The following FARP1 variants were observed in gnomAD, a reference collection of about 807,000 sequenced individuals.
FARP1 encodes FERM, ARHGEF and pleckstrin domain-containing protein 1.
In FARP1, 52 loss-of-function variants were observed where a neutral mutation model predicts 128.8. The ratio of observed to expected loss-of-function variants is 0.40; its 90% CI spans 0.32 to 0.51. The LOEUF is 0.51. FARP1 is among the 20% of genes least tolerant of loss of function. The pLI, the probability that FARP1 is intolerant of heterozygous loss-of-function variation, is 0.45. For missense variants in FARP1, 1,333 were observed against 1,367.9 expected, an observed-to-expected ratio of 0.97 and a Z score of 0.40; for synonymous variants, 580 against 551.8, an observed-to-expected ratio of 1.05 and a Z score of -0.72.
At position 98,452,653 on chromosome 13, in the gene FARP1, C is replaced by T. The variant is rs1225168241; in HGVS notation, c.*4336C>T. ...GCCTGTCGAATATTTACTCCACTGA[C>T]GTTATCTACAGAAGCACTTGGCCAG... On this transcript the variant is annotated 3_prime_UTR_variant, in exon 27 of 27. Transcript: ENST00000319562. The T allele has an allele frequency of 2.0e-5, 3 of 152,964 alleles. No homozygotes were observed. Among genetic ancestry groups the T allele is most frequent in the Admixed American group, 6.5e-5 (1 of 15,308 alleles). 9.5% of individuals were successfully genotyped at this position (152,964 alleles called of 1,614,324 possible). A position where few individuals can be genotyped will look rare whatever the true frequency, so the allele number is the denominator to read the frequency against.
intron 1 of FARP1, among the ~76,000 whole-genome samples, chr13:98,159,107 A>G (rs1156880693): frequency 6.6e-6 from 1 of 152,206 alleles, no homozygotes; most frequent in African/African-American, 2.4e-5. Flanking sequence ...AAGCATGGCA[A>G]AGTGCATGTA....
intron 3 of FARP1, among the ~76,000 whole-genome samples, chr13:98,363,804 C>T (rs373703288): frequency 5.8e-4 from 88 of 152,238 alleles, no homozygotes; most frequent in African/African-American, 1.9e-3. Flanking sequence ...TGCAGTGGTG[C>T]GATCTTGGCT....
chr13:98,194,203 G>A (rs1445617630), intron 1 of FARP1, among the ~76,000 whole-genome samples: 1 of 151,902 alleles, frequency 6.6e-6, no homozygotes, highest in Non-Finnish European at 1.5e-5. Context: ...TGCAACCTCC[G>A]CCTCCTGGGT....
intron 1 of FARP1, among the ~76,000 whole-genome samples, chr13:98,162,521 C>A (rs116090917): frequency 7.9e-5 from 12 of 152,150 alleles, no homozygotes; most frequent in Admixed American, 7.2e-4. Flanking sequence ...GATAAACTTA[C>A]CTTGAACCTC....
chr13:98,143,074 G>C (rs1020961113), upstream of FARP1: 2 of 147,932 alleles, frequency 1.4e-5, no homozygotes, highest in African/African-American at 4.9e-5. Flanking sequence ...GCCCAGACCC[G>C]GGGAGGGGCG....
chr13:98,331,108 G>A (rs1331127825), intron 2 of FARP1, among the ~76,000 whole-genome samples: 1 of 152,158 alleles, frequency 6.6e-6, no homozygotes, highest in Non-Finnish European at 1.5e-5. Flanking sequence ...TTATTTCCCA[G>A]AACTGTGGTT....
chr13:98,357,487 C>T (rs1400579715), intron 3 of FARP1, among the ~76,000 whole-genome samples: 1 of 152,118 alleles, frequency 6.6e-6, no homozygotes, highest in Admixed American at 6.5e-5. Context: ...GTTAGGTCTT[C>T]AAGTTTAGTA....
intron 16 of FARP1, among the ~76,000 whole-genome samples, chr13:98,422,354 C>T (rs1004241959): frequency 2.0e-5 from 3 of 152,070 alleles, no homozygotes; most frequent in Admixed American, 6.6e-5. Context: ...GGGAGAGATT[C>T]GTTTAATTAG....
chr13:98,222,285 C>A lies in FARP1; in HGVS notation c.171+8872C>A, dbSNP rs189985533. Among the ~76,000 whole-genome samples the A allele has an allele frequency of 4.6e-5, 7 of 152,308 alleles. No individual in the cohort carries two copies. The East Asian group carries it at 1.3e-3, about 29-fold the overall frequency. On this transcript the variant is annotated intron_variant, in intron 2 of 26. Coordinates refer to ENST00000319562, the MANE Select transcript of FARP1 (RefSeq NM_005766.4). ...TATCAACATGGAAGGCAAGGTGCTA[C>A]TGGTGATAAGAAAATGAATAAAAAC...
chr13:98,305,278 A>G (rs1416333591), intron 2 of FARP1, among the ~76,000 whole-genome samples: 2 of 151,982 alleles, frequency 1.3e-5, no homozygotes, highest in Non-Finnish European at 2.9e-5. Context: ...ATCAGTTTCC[A>G]ACATTTTATC....
intron 9 of FARP1, 82 bp from the exon 10 acceptor site, chr13:98,389,875 C>A: frequency 1.5e-6 from 2 of 1,366,604 alleles, no homozygotes; most frequent in Non-Finnish European, 2.0e-6. Context: ...TCGGACAAAG[C>A]TATCTTCTGC....
rs1892867260 is a variant in FARP1, at chr13:98,446,770, G to C, written c.3009G>C (p.Lys1003Asn). The C allele has an allele frequency of 6.2e-7, 1 of 1,614,158 alleles. No individual in the cohort carries two copies. The highest frequency in any genetic ancestry group is 8.5e-7 in the Non-Finnish European group (1 of 1,180,028). The change falls in exon 26 of 27, where the codon AAG (lysine) becomes AAC (asparagine). Residue 1003 changes from lysine to asparagine, a missense_variant. Around this residue, in one of 2 missense-constraint regions of FARP1, gnomAD observed 1,009 missense variants for 969.8 expected, o/e 1.04. Coordinates refer to ENST00000319562, the MANE Select transcript of FARP1 (RefSeq NM_005766.4). ...QKDYVFKLHF[K>N]SHVYYFRAES... ...ACTACGTGTTCAAGCTGCACTTCAA[G>C]TCCCACGTCTACTACTTCAGGGCGG...
chr13:98,398,684 T>G (rs1890647691), intron 13 of FARP1: 1 of 152,200 alleles, frequency 6.6e-6, no homozygotes, highest in East Asian at 1.9e-4. Context: ...TATAACACAT[T>G]TTTGCATAAT....
chr13:98,279,876 C>T (rs929555753), intron 2 of FARP1, among the ~76,000 whole-genome samples: 8 of 152,086 alleles, frequency 5.3e-5, no homozygotes, highest in Admixed American at 2.6e-4. Context: ...CTTGTGGCCC[C>T]GGTACCAGGC....
chr13:98,362,964 C>G (rs1008980861), intron 3 of FARP1, among the ~76,000 whole-genome samples: 3 of 152,238 alleles, frequency 2.0e-5, no homozygotes, highest in East Asian at 1.9e-4. Flanking sequence ...CTTTCTCAAA[C>G]TCTACTTCTG....
chr13:98,374,580 A>G (rs1889498494), intron 5 of FARP1, among the ~76,000 whole-genome samples: 1 of 152,186 alleles, frequency 6.6e-6, no homozygotes, highest in African/African-American at 2.4e-5. Context: ...CAGCTACACT[A>G]CACAGTATCC....
intron 3 of FARP1, among the ~76,000 whole-genome samples, chr13:98,357,106 C>T (rs1241735666): frequency 6.6e-6 from 1 of 152,100 alleles, no homozygotes; most frequent in Non-Finnish European, 1.5e-5. Flanking sequence ...TTTTTGTAGG[C>T]AGCATATACT....
In FARP1 at chr13:98,213,313, C is replaced by T. The variant is rs914396996; in HGVS notation, c.71C>T (p.Thr24Ile). The T allele has an allele frequency of 2.5e-6, 4 of 1,613,992 alleles. No homozygotes were observed. The highest frequency in any genetic ancestry group is 1.6e-4 in the Middle Eastern group (1 of 6,074). The part of the protein sequence containing the change: ...LGAPENSGIS[T>I]LERGQKPPPT... Reference sequence around the variant, plus strand: ...GCCCCGGAAAATTCGGGGATCAGTACCTTGGAACGTGGACAGAAGCCGCCC... The same window carrying T: ...GCCCCGGAAAATTCGGGGATCAGTATCTTGGAACGTGGACAGAAGCCGCCC... The change falls in exon 2 of 27, where the codon ACC becomes ATC. Residue 24 changes from threonine (T) to isoleucine (I), a missense_variant. Around this residue, in one of 2 missense-constraint regions of FARP1, gnomAD observed 324 missense variants for 398.1 expected, o/e 0.81. Coordinates refer to ENST00000319562, the MANE Select transcript of FARP1 (RefSeq NM_005766.4).
chr13:98,221,890 G>GTAAATA (rs1181603533), intron 2 of FARP1, among the ~76,000 whole-genome samples: 1 of 152,192 alleles, frequency 6.6e-6, no homozygotes, highest in Non-Finnish European at 1.5e-5. Context: ...GTGTTAGAAT[G>GTAAATA]TAAATATAAA....
Sources: allele counts gnomAD v4.1 joint callset (sites outside exome capture counted in the v4.1 genomes callset), GRCh38; gene constraint gnomAD v4.1.1; regional missense constraint gnomAD v4.1.1; transcripts MANE v1.5; gene names NCBI Gene and HGNC (gene_info 2026-07-23, HGNC 2026-07-21).